CAPN3: variants seen among roughly 807,000 people sequenced by gnomAD.
CAPN3 encodes the protein calpain-3.
In CAPN3, 88 loss-of-function variants were observed where a neutral mutation model predicts 114.0. The observed-to-expected ratio is 0.77, with a 90% CI of 0.65 to 0.92. CAPN3 has a LOEUF of 0.92. Among genes scored for constraint, CAPN3 ranks in the 40% least tolerant of loss-of-function variants. CAPN3 has a pLI of 0.00. For missense variants in CAPN3, 1,028 were observed against 1,069.0 expected, an observed-to-expected ratio of 0.96 and a Z score of 0.53; for synonymous variants, 386 against 382.9, an observed-to-expected ratio of 1.01 and a Z score of -0.09.
At position 42,390,012 on chromosome 15, in the gene CAPN3, T is replaced by G. The variant is rs1363064146; in HGVS notation, c.861T>G (p.Ile287Met). 2 of 1,613,984 alleles carry G rather than the reference T, an allele frequency of 1.2e-6. No individual in the cohort carries two copies. The highest frequency in any genetic ancestry group is 2.7e-5 in the African/African-American group (2 of 74,880). ...CTGGTCTGAACATGGGGGAGTTGAT[T>G]GCACGGATGGTAAGGAATATGGATA... ...SPSGLNMGELIARMVRNMDNS... is the reference protein window; with the variant it reads ...SPSGLNMGELMARMVRNMDNS... The change falls in exon 6 of 24, where the codon ATT (isoleucine) becomes ATG (methionine). Residue 287 changes from isoleucine (I) to methionine (M), a missense_variant. Coordinates refer to ENST00000397163, the MANE Select transcript of CAPN3 (RefSeq NM_000070.3).
At chr15:42,367,717 C>T (rs1395601104) in intron 1 of CAPN3, among the ~76,000 whole-genome samples, 5 of 152,194 alleles carry the variant, frequency 3.3e-5, no homozygotes, top group Admixed American at 1.3e-4. Flanking sequence ...TTATTTCTAA[C>T]TAGAATGTTT....
intron 9 of CAPN3, among the ~76,000 whole-genome samples, chr15:42,398,169 ATATTTT>A: frequency 6.6e-6 from 1 of 151,258 alleles, no homozygotes; most frequent in African/African-American, 2.5e-5. Flanking sequence ...GGTACATATG[ATATTTT>A]GATACACATA....
At chr15:42,397,807 T>G (rs959534960) in intron 9 of CAPN3, among the ~76,000 whole-genome samples, 1 of 152,104 alleles carries the variant, frequency 6.6e-6, no homozygotes, top group Non-Finnish European at 1.5e-5. Flanking sequence ...CACCTTGGCC[T>G]CCCAAAATGC....
chr15:42,387,612 A>G, intron 3 of CAPN3, 141 bp from the exon 4 acceptor site: 1 of 1,049,870 alleles, frequency 9.5e-7, no homozygotes, highest in Non-Finnish European at 1.5e-6. Flanking sequence ...AACACAAAAT[A>G]GGATGAACAG....
chr15:42,401,751 C>T lies in CAPN3; in HGVS notation c.1465C>T (p.Arg489Trp), dbSNP rs863224957. 58 of 1,613,928 alleles carry T rather than the reference C, an allele frequency of 3.6e-5. No homozygotes were observed. The highest frequency in any genetic ancestry group is 4.5e-5 in the East Asian group (2 of 44,860). The stretch of plus-strand genomic sequence containing the variant: ...CCTGGTGGCCCTGATGCAGAAGAAC[C>T]GGCGGAAGGACCGGAAGCTAGGGGC... ...SFLVALMQKNRRKDRKLGASL... is the reference protein window; with the variant it reads ...SFLVALMQKNWRKDRKLGASL... The change falls in exon 11 of 24, where the codon CGG becomes TGG. Residue 489 changes from arginine to tryptophan, a missense_variant. Arg to Trp is a moderately radical substitution (Grantham distance 101). Coordinates refer to ENST00000397163, the MANE Select transcript of CAPN3 (RefSeq NM_000070.3).
In CAPN3 at chr15:42,366,341, C is replaced by T. The variant is rs546047382; in HGVS notation, c.309+6227C>T. ...CAGCCACACCGGCTGGTTTTTGCTG[C>T]TTTCTGTATGACCTGGTCTCTTGCC... On this transcript the variant is annotated intron_variant, in intron 1 of 23. Coordinates refer to ENST00000397163, the MANE Select transcript of CAPN3 (RefSeq NM_000070.3). Among the ~76,000 whole-genome samples the T allele has an allele frequency of 3.3e-5, 5 of 152,294 alleles. No individual in the cohort carries two copies. In the South Asian group the frequency reaches 1.0e-3, roughly 32 times the overall value.
chr15:42,401,828 G>A lies in CAPN3; in HGVS notation c.1524+18G>A. ...TCTACGAGGTGTGCAGTCCTGATTG[G>A]CTCCAGCCCAGGAAACATACTTTCC... On this transcript the variant is annotated intron_variant, in intron 11 of 23. Coordinates refer to ENST00000397163, the MANE Select transcript of CAPN3 (RefSeq NM_000070.3). 6.2e-7 allele frequency: 1 copy of A among 1,608,344 alleles called. No individual in the cohort carries two copies. The highest frequency in any genetic ancestry group is 8.5e-7 in the Non-Finnish European group (1 of 1,177,134).
Position 42,402,890 on chromosome 15 carries a change from C to A in CAPN3, c.1633C>A (p.Gln545Lys). 6.2e-7 allele frequency: 1 copy of A among 1,614,172 alleles called. No homozygotes were observed. The highest frequency in any genetic ancestry group is 8.5e-7 in the Non-Finnish European group (1 of 1,179,986). The part of the protein sequence containing the change: ...KTYINMREVS[Q>K]RFRLPPSEYV... Reference sequence around the variant, plus strand: ...CTACATCAACATGCGGGAGGTGTCCCAGCGCTTCCGCCTGCCTCCCAGCGA... The same window carrying A: ...CTACATCAACATGCGGGAGGTGTCCAAGCGCTTCCGCCTGCCTCCCAGCGA... Residue 545 changes from glutamine to lysine, a missense_variant, in exon 13 of 24, where the codon CAG (glutamine) becomes AAG (lysine). Coordinates refer to ENST00000397163, the MANE Select transcript of CAPN3 (RefSeq NM_000070.3).
chr15:42,410,287 T>A, intron 19 of CAPN3, 141 bp from the exon 20 acceptor site: 3 of 858,604 alleles, frequency 3.5e-6, no homozygotes, highest in Non-Finnish European at 5.9e-6. Flanking sequence ...AGGCGCAATC[T>A]CTGACTGGTG....
At chr15:42,409,180 C>T in intron 16 of CAPN3, 123 bp from the exon 17 acceptor site, 1 of 824,796 alleles carries the variant, frequency 1.2e-6, no homozygotes, top group Admixed American at 2.0e-5. Flanking sequence ...TTTGCCCGTC[C>T]CCAGCTCCTG....
chr15:42,395,184 G>C (rs2053657893), intron 8 of CAPN3, among the ~76,000 whole-genome samples: 1 of 152,174 alleles, frequency 6.6e-6, no homozygotes, highest in African/African-American at 2.4e-5. Context: ...CACAGGTCAA[G>C]GCACTGGGGA....
At chr15:42,374,799 T>C (rs928263399) in intron 1 of CAPN3, among the ~76,000 whole-genome samples, 217 of 134,122 alleles carry the variant, frequency 1.6e-3, no homozygotes, top group African/African-American at 5.8e-3. Context: ...TGTCTCTTTT[T>C]TTTTTTTTTT....
rs1279188044 is a variant in CAPN3 at position 42,412,094 on chromosome 15, C to T, written c.*321C>T. 1 of 1,535,210 alleles carries T rather than the reference C, an allele frequency of 6.5e-7. No individual in the cohort carries two copies. Among genetic ancestry groups the T allele is most frequent in the Non-Finnish European group, 8.7e-7 (1 of 1,146,624 alleles). On this transcript the variant is annotated 3_prime_UTR_variant, in exon 24 of 24. Coordinates refer to ENST00000397163, the MANE Select transcript of CAPN3 (RefSeq NM_000070.3). ...TGCTTACCTTGCTCTAGGCTGTCTGCAGAAGCACCTGCCGGTGGCACTCAG... is the reference window on the plus strand; with the variant it reads ...TGCTTACCTTGCTCTAGGCTGTCTGTAGAAGCACCTGCCGGTGGCACTCAG...
intron 17 of CAPN3, 81 bp from the exon 18 acceptor site, chr15:42,409,706 G>A: frequency 8.1e-6 from 10 of 1,234,600 alleles, no homozygotes; most frequent in Non-Finnish European, 1.1e-5. Context: ...AACACAGCCA[G>A]GTGGAATTTG....
intron 1 of CAPN3, among the ~76,000 whole-genome samples, chr15:42,361,432 C>G (rs1332721206): frequency 6.6e-6 from 1 of 152,172 alleles, no homozygotes; most frequent in African/African-American, 2.4e-5. Context: ...GATCATGCCA[C>G]TGCACTCCAG....
At chr15:42,405,314 ATTTG>A (rs1255244289) in intron 14 of CAPN3, among the ~76,000 whole-genome samples, 3 of 151,968 alleles carry the variant, frequency 2.0e-5, no homozygotes, top group Admixed American at 6.6e-5. Flanking sequence ...TTATTTATTT[ATTTG>A]TTTATTTTTG....
intron 1 of CAPN3, among the ~76,000 whole-genome samples, chr15:42,374,794 CTTTTTTT>C (rs66487749): frequency 8.2e-5 from 7 of 85,450 alleles, no homozygotes; most frequent in Non-Finnish European, 1.5e-4. Context: ...TATCATGTCT[CTTTTTTT>C]TTTTTTTTTT....
intron 1 of CAPN3, among the ~76,000 whole-genome samples, chr15:42,368,492 A>G (rs1443802017): frequency 1.3e-5 from 2 of 152,182 alleles, no homozygotes; most frequent in Non-Finnish European, 2.9e-5. Context: ...ATCAATCAAT[A>G]AACAATAATT....
chr15:42,408,930 C>G (rs531145853), intron 16 of CAPN3: 5 of 322,794 alleles, frequency 1.5e-5, no homozygotes, highest in Non-Finnish European at 3.0e-5. Context: ...GAGGACTTGG[C>G]CTTGATGACA....
Sources: gnomAD v4.1 joint callset for allele counts (sites outside exome capture counted in the v4.1 genomes callset) on GRCh38, gnomAD v4.1.1 for gene constraint, MANE v1.5 for transcripts, NCBI Gene and HGNC (gene_info 2026-07-23, HGNC 2026-07-21) for gene names.